Variants in APOL1 observed in about 807,000 individuals in gnomAD.
APOL1 encodes apolipoprotein L 1.
A neutral mutation model predicts 14.9 loss-of-function variants in APOL1; 17 were observed. The observed-to-expected ratio is 1.14, with a 90% CI of 0.78 to 1.71. The LOEUF (loss-of-function observed/expected upper bound fraction) is 1.71, where lower values mean the gene tolerates loss of function less well. Ranked by LOEUF, APOL1 falls within the 40% of genes most tolerant of loss-of-function variation. APOL1 has a pLI of 0.00. For synonymous variants in APOL1, 195 were observed against 184.8 expected (o/e 1.05, Z -0.45); for missense variants, 523 against 485.9 (o/e 1.08, Z -0.72).
chr22:36,264,810 C>CTTTTTTT (rs368899919), intron 5 of APOL1, among the ~76,000 whole-genome samples: 20 of 120,426 alleles, frequency 1.7e-4, no homozygotes, highest in Non-Finnish European at 3.1e-4. Flanking sequence ...AACTGCATTT[C>CTTTTTTT]TTTTTTTTTT....
Position 36,266,988 on chromosome 22 carries a change from AAG to A in APOL1, c.*958_*959del. On this transcript the variant is annotated 3_prime_UTR_variant, in exon 6 of 6. Transcript: ENST00000397278. ...CAGCAATGAGAAGGCCAGGAAAAGA[AAG>A]AGCTGAAAATGGAGAAAGCCCAAGA... The A allele has an allele frequency of 6.5e-6, 1 of 153,884 alleles. No individual in the cohort carries two copies. Among genetic ancestry groups the A allele is most frequent in the African/African-American group, 2.4e-5 (1 of 41,654 alleles). 9.5% of individuals were successfully genotyped at this position (153,884 alleles called of 1,614,324 possible).
intron 4 of APOL1, chr22:36,260,058 C>A: frequency 1.4e-6 from 1 of 697,612 alleles, no homozygotes; most frequent in Non-Finnish European, 2.0e-6. Context: ...TGGTTTTGGG[C>A]GGTGACTCTC....
At chr22:36,257,703 G>GGC (rs1763693830) in intron 4 of APOL1, 1 of 306,406 alleles carries the variant, frequency 3.3e-6, no homozygotes. Context: ...CAGCGGGGGG[G>GGC]GGGGGGAGTG....
At position 36,265,676 on chromosome 22, in the gene APOL1, G is replaced by A. The variant is rs1299492307; in HGVS notation, c.840G>A (p.Gly280=). The change falls in exon 6 of 6, where the codon GGG becomes GGA. Residue 280 remains glycine, a synonymous_variant. Transcript: ENST00000397278. ...CTTACCAACTCACACGAGGCATTGG[G>A]AAGGACATCCGTGCCCTCAGACGAG... The part of the protein sequence containing the change: ...GNTYQLTRGI[G]KDIRALRRAR... 6.2e-7 allele frequency: 1 copy of A among 1,605,172 alleles called. No homozygotes were observed. Among genetic ancestry groups the A allele is most frequent in the South Asian group, 1.1e-5 (1 of 89,630 alleles).
Position 36,265,372 on chromosome 22 carries a change from C to T in APOL1, c.536C>T (p.Ser179Phe). 6.2e-7 allele frequency: 1 copy of T among 1,612,694 alleles called. No individual in the cohort carries two copies. The highest frequency in any genetic ancestry group is 2.2e-5 in the East Asian group (1 of 44,834). Residue 179 changes from serine (S) to phenylalanine (F), a missense_variant, in exon 6 of 6, where the codon TCT (serine) becomes TTT (phenylalanine). Ser to Phe is a radical substitution (Grantham distance 155, BLOSUM62 -2). Coordinates refer to ENST00000397278, the MANE Select transcript of APOL1 (RefSeq NM_003661.4). ...GGCACCACCATCGCCAATGTGGTGT[C>T]TGGCTCTCTCAGCATTTCCTCTGGC... ...HKGTTIANVV[S>F]GSLSISSGIL...
Position 36,266,903 on chromosome 22 carries a change from T to TAA in APOL1, c.*870_*871insAA. On this transcript the variant is annotated 3_prime_UTR_variant, in exon 6 of 6. Coordinates refer to ENST00000397278, the MANE Select transcript of APOL1 (RefSeq NM_003661.4). The stretch of plus-strand genomic sequence containing the variant: ...CTGGGTGACAGAGCGAGACTCCATC[T>TAA]CAAAAAAAAAAAAAAAAAGAATATA... 3 of 121,068 alleles carry TAA rather than the reference T, an allele frequency of 2.5e-5. No homozygotes were observed. Among genetic ancestry groups the TAA allele is most frequent in the Non-Finnish European group, 4.6e-5 (3 of 64,692 alleles). The allele number at this position is 121,068 out of a possible 1,614,324, so 7.5% of individuals were successfully genotyped here.
Position 36,266,800 on chromosome 22 carries a change from G to A in APOL1, c.*767G>A, listed in dbSNP as rs1179569991. 3 of 315,232 alleles carry A rather than the reference G, an allele frequency of 9.5e-6. No homozygotes were observed. The highest frequency in any genetic ancestry group is 2.2e-5 in the African/African-American group (1 of 46,496). 19.5% of individuals were successfully genotyped at this position (315,232 alleles called of 1,614,324 possible). A position where few individuals can be genotyped will look rare whatever the true frequency, so the allele number is the denominator to read the frequency against. ...GGCGCCTGTAGTTCCAGCTAACTGG[G>A]CGGCTGAGGCAGGAGAATGGCGTGA... On this transcript the variant is annotated 3_prime_UTR_variant, in exon 6 of 6. Transcript: ENST00000397278.
Position 36,266,114 on chromosome 22 carries a change from C to A in APOL1, c.*81C>A. ...TGCAAACTTTTTTTTTTTTCTGAGA[C>A]AGAGTCTTGCTCTGTCGCCAAGTTG... On this transcript the variant is annotated 3_prime_UTR_variant, in exon 6 of 6. Coordinates refer to ENST00000397278, the MANE Select transcript of APOL1 (RefSeq NM_003661.4). 1 of 1,452,706 alleles carries A rather than the reference C, an allele frequency of 6.9e-7. No individual in the cohort carries two copies. The highest frequency in any genetic ancestry group is 9.2e-7 in the Non-Finnish European group (1 of 1,082,166). The allele number at this position is 1,452,706 out of a possible 1,614,324, so 90.0% of individuals were successfully genotyped here.
intron 2 of APOL1, among the ~76,000 whole-genome samples, chr22:36,256,044 T>C (rs549258618): frequency 3.2e-4 from 49 of 152,332 alleles, no homozygotes; most frequent in Non-Finnish European, 6.6e-4. Context: ...TTTAAAAAAA[T>C]GATAATATTA....
intron 4 of APOL1, among the ~76,000 whole-genome samples, chr22:36,257,822 C>A (rs1385481955): frequency 6.6e-6 from 1 of 152,168 alleles, no homozygotes; most frequent in Non-Finnish European, 1.5e-5. Flanking sequence ...GGTGTTTCCA[C>A]CTGAGGCTGG....
rs199714563 is a variant in APOL1 at position 36,254,862 on chromosome 22, C to CA, written c.-19-65dup. 8.5e-3 allele frequency: 11,681 copies of CA among 1,373,234 alleles called. 157 individuals carry two copies. Among genetic ancestry groups the CA allele is most frequent in the African/African-American group, 0.08 (5,498 of 69,024 alleles). The allele number at this position is 1,373,234 out of a possible 1,614,324, so 85.1% of individuals were successfully genotyped here. A position where few individuals can be genotyped will look rare whatever the true frequency, so the allele number is the denominator to read the frequency against. ...TGGGTGATAGAGCGAGACTCCATTT[C>CA]AAAAAAAAAATGAAATGAAAATGGT... is the stretch of plus-strand genomic sequence containing the variant. On this transcript the variant is annotated intron_variant, in intron 1 of 5. Transcript: ENST00000397278.
rs1454066419 is a variant in APOL1 at position 36,266,638 on chromosome 22, G to T, written c.*605G>T. ...ATATATTGGGGGGCCGGGTGTAGTGGCTCATGCCTGTAATCCGAGCACTTT... is the reference window on the plus strand; with the variant it reads ...ATATATTGGGGGGCCGGGTGTAGTGTCTCATGCCTGTAATCCGAGCACTTT... On this transcript the variant is annotated 3_prime_UTR_variant, in exon 6 of 6. Coordinates refer to ENST00000397278, the MANE Select transcript of APOL1 (RefSeq NM_003661.4). 2 of 395,380 alleles carry T rather than the reference G, an allele frequency of 5.1e-6. No individual in the cohort carries two copies. The highest frequency in any genetic ancestry group is 3.6e-5 in the East Asian group (1 of 27,908). 24.5% of individuals were successfully genotyped at this position (395,380 alleles called of 1,614,324 possible).
chr22:36,265,858 T>C lies in APOL1; in HGVS notation c.1022T>C (p.Val341Ala), dbSNP rs779788886. Residue 341 changes from valine to alanine, a missense_variant, in exon 6 of 6, where the codon GTA becomes GCA. Val to Ala is a moderately conservative substitution (Grantham distance 64). Coordinates refer to ENST00000397278, the MANE Select transcript of APOL1 (RefSeq NM_003661.4). ...GTCAAGCTCACGGATGTGGCCCCTG[T>C]AAGCTTCTTTCTTGTGCTGGATGTA... ...RGVKLTDVAP[V>A]SFFLVLDVVY... 1 of 1,614,074 alleles carries C rather than the reference T, an allele frequency of 6.2e-7. No individual in the cohort carries two copies. The highest frequency in any genetic ancestry group is 1.3e-5 in the African/African-American group (1 of 74,922).
rs1435548365 is a variant in APOL1 at position 36,265,508 on chromosome 22, C to T, written c.672C>T (p.Thr224=). The part of the protein sequence containing the change: ...LGITAALTGI[T]SSTMDYGKKW... ...TCACAGCCGCTTTGACCGGGATTACCAGCAGTACCATGGACTACGGAAAGA... is the reference window on the plus strand; with the variant it reads ...TCACAGCCGCTTTGACCGGGATTACTAGCAGTACCATGGACTACGGAAAGA... The change falls in exon 6 of 6, where the codon ACC becomes ACT. Residue 224 remains threonine (T), a synonymous_variant. Coordinates refer to ENST00000397278, the MANE Select transcript of APOL1 (RefSeq NM_003661.4). The T allele has an allele frequency of 2.5e-6, 4 of 1,613,616 alleles. No homozygotes were observed. The highest frequency in any genetic ancestry group is 3.4e-6 in the Non-Finnish European group (4 of 1,179,790).
chr22:36,260,651 CAT>C (rs1410695524), intron 4 of APOL1, among the ~76,000 whole-genome samples: 5 of 152,166 alleles, frequency 3.3e-5, no homozygotes, highest in East Asian at 1.9e-4. Flanking sequence ...ACTGTTGAAA[CAT>C]GTGTGGGTGT....
At position 36,254,078 on chromosome 22, in the gene APOL1, A is replaced by C. The variant is rs997892123; in HGVS notation, c.-20+859A>C. The C allele has an allele frequency of 5.9e-6, 9 of 1,527,422 alleles. No homozygotes were observed. The Admixed American group carries it at 1.5e-4, about 26-fold the overall frequency. 94.6% of individuals were successfully genotyped at this position (1,527,422 alleles called of 1,614,324 possible). Reference sequence around the variant, plus strand: ...TGGAAACTTTTGGATTATTAAAATCAAACATTTTTGCTTCAATATTAGAGT... The same window carrying C: ...TGGAAACTTTTGGATTATTAAAATCCAACATTTTTGCTTCAATATTAGAGT... On this transcript the variant is annotated intron_variant, in intron 1 of 5. Coordinates refer to ENST00000397278, the MANE Select transcript of APOL1 (RefSeq NM_003661.4).
At chr22:36,258,572 A>G (rs542723308) in intron 4 of APOL1, among the ~76,000 whole-genome samples, 1 of 152,310 alleles carries the variant, frequency 6.6e-6, no homozygotes, top group South Asian at 2.1e-4. Context: ...GATGCTGAAG[A>G]GAGAAAAAAG....
At chr22:36,263,864 G>T (rs543118186) in intron 5 of APOL1, among the ~76,000 whole-genome samples, 7 of 152,328 alleles carry the variant, frequency 4.6e-5, no homozygotes, top group South Asian at 2.1e-4. Flanking sequence ...ACACCAGAGT[G>T]GGGGGTTCCT....
chr22:36,259,785 C>T (rs1020076457), intron 4 of APOL1: 2 of 1,304,244 alleles, frequency 1.5e-6, no homozygotes, highest in Non-Finnish European at 2.0e-6. Flanking sequence ...CGCCCCCATG[C>T]CCCGTCGAAG....
Sources: allele counts gnomAD v4.1 joint callset (sites outside exome capture counted in the v4.1 genomes callset), GRCh38; gene constraint gnomAD v4.1.1; transcripts MANE v1.5; gene names NCBI Gene and HGNC (gene_info 2026-07-23, HGNC 2026-07-21).